TBX20: variants seen among roughly 807,000 people sequenced by gnomAD.
The protein encoded by TBX20 is T-box transcription factor TBX20.
A neutral mutation model predicts 42.9 loss-of-function variants in TBX20; 8 were observed. The ratio of observed to expected loss-of-function variants is 0.19; its 90% CI spans 0.11 to 0.34. TBX20 has a LOEUF of 0.34. TBX20 is among the 10% of genes least tolerant of loss of function. The pLI is 1.00. For missense variants in TBX20, 411 were observed against 566.0 expected, an observed-to-expected ratio of 0.73 and a Z score of 2.78; for synonymous variants, 198 against 222.8, an observed-to-expected ratio of 0.89 and a Z score of 0.99.
Position 35,245,034 on chromosome 7 carries a change from G to A in TBX20, c.569C>T (p.Pro190Leu), listed in dbSNP as rs1304347935. The part of the protein sequence containing the change: ...PARLYVHPDS[P>L]FTGEQLLKQM... ...TTTGAGTAGTTGCTCACCGGTAAAA[G>A]GAGAATCTGGATGCACATAGAGCCT... is the stretch of plus-strand genomic sequence containing the variant. The change falls in exon 4 of 8, where the codon CCT (proline) becomes CTT (leucine). Residue 190 changes from proline to leucine, a missense_variant. Coordinates refer to ENST00000408931, the MANE Select transcript of TBX20 (RefSeq NM_001077653.2). 4 of 1,613,318 alleles carry A rather than the reference G, an allele frequency of 2.5e-6. No individual in the cohort carries two copies. The African/African-American group carries it at 4.0e-5, about 16-fold the overall frequency.
At chr7:35,219,152 C>A (rs1789639296) in intron 6 of TBX20, among the ~76,000 whole-genome samples, 1 of 152,156 alleles carries the variant, frequency 6.6e-6, no homozygotes, top group Non-Finnish European at 1.5e-5. Context: ...TCCTCTATCT[C>A]AGAAGCCTAG....
intron 6 of TBX20, among the ~76,000 whole-genome samples, chr7:35,205,226 T>C (rs1034172148): frequency 1.3e-5 from 2 of 152,100 alleles, no homozygotes; most frequent in Non-Finnish European, 1.5e-5. Flanking sequence ...TTTTAGCCTC[T>C]AGGTAAATTG....
At chr7:35,242,825 A>G (rs1174882696) in intron 4 of TBX20, among the ~76,000 whole-genome samples, 4 of 152,174 alleles carry the variant, frequency 2.6e-5, no homozygotes, top group Non-Finnish European at 4.4e-5. Context: ...TGAGAATATG[A>G]AAGTTTCCTT....
intron 6 of TBX20, among the ~76,000 whole-genome samples, chr7:35,227,919 G>C (rs1481963755): frequency 6.6e-6 from 1 of 152,086 alleles, no homozygotes; most frequent in African/African-American, 2.4e-5. Context: ...TGTACTTAAT[G>C]TCACTGAATT....
At chr7:35,240,832 T>A in intron 5 of TBX20, 47 bp downstream of exon 5, 2 of 1,573,308 alleles carry the variant, frequency 1.3e-6, no homozygotes, top group South Asian at 1.1e-5. Context: ...AAGAACCTCC[T>A]AAATCCTTCT....
At chr7:35,247,165 CAAAA>C (rs757916672) in intron 3 of TBX20, among the ~76,000 whole-genome samples, 4 of 79,614 alleles carry the variant, frequency 5.0e-5, no homozygotes, top group East Asian at 4.1e-4. Context: ...GACTGGAGGG[CAAAA>C]AAAAAAAAAA....
In TBX20 at chr7:35,241,021, A is replaced by G; in HGVS notation, c.671T>C (p.Met224Thr). ...GTGCACCCTTGGCTGGTACTTATGCATTGAGTTCAAAATTATCTACAACAA... is the reference window on the plus strand; with the variant it reads ...GTGCACCCTTGGCTGGTACTTATGCGTTGAGTTCAAAATTATCTACAACAA... Reference protein sequence around the residue: ...DQHGHIILNSMHKYQPRVHII... With the variant: ...DQHGHIILNSTHKYQPRVHII... The change falls in exon 5 of 8, where the codon ATG (methionine) becomes ACG (threonine). Residue 224 changes from methionine to threonine, a missense_variant. Physicochemically the swap from Met to Thr is moderately conservative, Grantham distance 81 (BLOSUM62 -1). Transcript: ENST00000408931. 1 of 1,613,902 alleles carries G rather than the reference A, an allele frequency of 6.2e-7. No homozygotes were observed.
chr7:35,242,937 A>C (rs1296233484), intron 4 of TBX20, among the ~76,000 whole-genome samples: 1 of 152,192 alleles, frequency 6.6e-6, no homozygotes, highest in African/African-American at 2.4e-5. Context: ...TTGTATTAAT[A>C]GGTTTCAGAA....
At chr7:35,248,625 T>G in intron 3 of TBX20, 52 bp downstream of exon 3, 1 of 1,591,688 alleles carries the variant, frequency 6.3e-7, no homozygotes, top group Non-Finnish European at 8.6e-7. Context: ...GCCAGAAACA[T>G]TCTGACAGAT....
At chr7:35,246,443 T>C (rs1465944599) in intron 3 of TBX20, among the ~76,000 whole-genome samples, 2 of 152,302 alleles carry the variant, frequency 1.3e-5, no homozygotes, top group East Asian at 3.9e-4. Flanking sequence ...CAAAATTATT[T>C]AAAGTCCTAA....
intron 6 of TBX20, among the ~76,000 whole-genome samples, chr7:35,205,894 G>A (rs1445760190): frequency 6.6e-6 from 1 of 152,050 alleles, no homozygotes; most frequent in Non-Finnish European, 1.5e-5. Context: ...TTAACACATA[G>A]GTGTCAAAAA....
intron 4 of TBX20, 93 bp downstream of exon 4, chr7:35,244,856 G>C (rs1416005021): frequency 1.2e-6 from 1 of 857,350 alleles, no homozygotes; most frequent in East Asian, 2.5e-5. Flanking sequence ...GAAGGGGATA[G>C]GGAAGGCAGG....
Position 35,253,657 on chromosome 7 carries a change from G to T in TBX20, c.-37C>A, listed in dbSNP as rs750191709. 3.2e-5 allele frequency: 51 copies of T among 1,601,502 alleles called. No homozygotes were observed. The highest frequency in any genetic ancestry group is 4.3e-5 in the Non-Finnish European group (50 of 1,175,216). Reference sequence around the variant, plus strand: ...CGCGGTCCTGGCCAGGGACGGGGTCGTCCGAACTGCCGTCCAGATTCCCCA... The same window carrying T: ...CGCGGTCCTGGCCAGGGACGGGGTCTTCCGAACTGCCGTCCAGATTCCCCA... On this transcript the variant is annotated 5_prime_UTR_variant, in exon 1 of 8. Coordinates refer to ENST00000408931, the MANE Select transcript of TBX20 (RefSeq NM_001077653.2).
intron 5 of TBX20, among the ~76,000 whole-genome samples, chr7:35,236,105 G>A (rs965048343): frequency 1.3e-5 from 2 of 152,052 alleles, no homozygotes; most frequent in African/African-American, 4.8e-5. Flanking sequence ...ACAAAAACCA[G>A]AGAAAGAAAT....
intron 6 of TBX20, among the ~76,000 whole-genome samples, chr7:35,218,636 T>C (rs957403306): frequency 6.6e-6 from 1 of 152,192 alleles, no homozygotes; most frequent in Non-Finnish European, 1.5e-5. Flanking sequence ...TAAAGTTATT[T>C]CCATTTTTAC....
intron 6 of TBX20, among the ~76,000 whole-genome samples, chr7:35,216,637 T>A (rs1357208091): frequency 3.9e-5 from 6 of 152,214 alleles, no homozygotes; most frequent in African/African-American, 1.4e-4. Flanking sequence ...ATGATGATAA[T>A]CATTTTAGAT....
intron 3 of TBX20, among the ~76,000 whole-genome samples, chr7:35,248,157 T>TA (rs1790230894): frequency 6.6e-6 from 1 of 152,192 alleles, no homozygotes; most frequent in Non-Finnish European, 1.5e-5. Context: ...TTTTTTTACT[T>TA]AAAAATCTCT....
intron 6 of TBX20, among the ~76,000 whole-genome samples, chr7:35,223,890 C>T (rs1584347022): frequency 1.3e-5 from 2 of 152,074 alleles, no homozygotes; most frequent in South Asian, 4.1e-4. Flanking sequence ...TTGTTTTCTT[C>T]TTAATGAAAA....
chr7:35,249,278 G>T lies in TBX20; in HGVS notation c.381-437C>A, dbSNP rs1267522991. Among the ~76,000 whole-genome samples the T allele has an allele frequency of 6.6e-6, 1 of 152,174 alleles. No homozygotes were observed. Among genetic ancestry groups the T allele is most frequent in the African/African-American group, 2.4e-5 (1 of 41,440 alleles). On this transcript the variant is annotated intron_variant, in intron 2 of 7. Coordinates refer to ENST00000408931, the MANE Select transcript of TBX20 (RefSeq NM_001077653.2). The surrounding 1 kb of genome is among the most constrained non-coding windows in gnomAD (Gnocchi z 4.3). Reference sequence around the variant, plus strand: ...TGCAAAATAAAAGCCAAAAGCAGAGGTTTCTGGGAAGGATTTCTCAGATGC... The same window carrying T: ...TGCAAAATAAAAGCCAAAAGCAGAGTTTTCTGGGAAGGATTTCTCAGATGC...
Sources: gnomAD v4.1 joint callset for allele counts (sites outside exome capture counted in the v4.1 genomes callset) on GRCh38, gnomAD v4.1.1 for gene constraint, Gnocchi (gnomAD v3.1) non-coding constraint, MANE v1.5 for transcripts, NCBI Gene and HGNC (gene_info 2026-07-23, HGNC 2026-07-21) for gene names.